Variants in LRRC7 observed in about 807,000 individuals in gnomAD.
The protein encoded by LRRC7 is leucine rich repeat containing 7.
A neutral mutation model predicts 175.7 loss-of-function variants in LRRC7; 23 were observed. The observed-to-expected ratio is 0.13, with a 90% CI of 0.09 to 0.19. The LOEUF (loss-of-function observed/expected upper bound fraction) is 0.19, where lower values mean the gene tolerates loss of function less well. Ranked by LOEUF, LRRC7 falls within the 10% of genes least tolerant of loss-of-function variation. The pLI is 1.00. For synonymous variants in LRRC7, 685 were observed against 680.9 expected, an observed-to-expected ratio of 1.01 and a Z score of -0.09; for missense variants, 1,354 against 1,904.7, an observed-to-expected ratio of 0.71 and a Z score of 5.38.
chr1:69,667,525 C>T (rs1337847993), intron 1 of LRRC7, among the ~76,000 whole-genome samples: 2 of 152,138 alleles, frequency 1.3e-5, no homozygotes, highest in Non-Finnish European at 2.9e-5. Context: ...GTTATATTCT[C>T]TTGCTGAATT....
At chr1:69,764,135 G>A (rs977699496) in intron 3 of LRRC7, among the ~76,000 whole-genome samples, 4 of 151,928 alleles carry the variant, frequency 2.6e-5, no homozygotes, top group African/African-American at 9.7e-5. Context: ...ATTTTCTGTA[G>A]TGAAAGGTAA....
chr1:69,757,896 T>C (rs942311578), intron 2 of LRRC7, among the ~76,000 whole-genome samples: 3 of 151,772 alleles, frequency 2.0e-5, no homozygotes, highest in African/African-American at 7.3e-5. Flanking sequence ...TGGAAATCTT[T>C]CAAGACCCTC....
rs1646404337 is a variant in LRRC7 at position 69,568,250 on chromosome 1, G to A, written c.-390G>A. ...GGATTTATTGTCTGTGGAGCCTTCT[G>A]GGGGCGGGGAGGGAGCTGCGCCTCC... On this transcript the variant is annotated 5_prime_UTR_variant, in exon 1 of 27. Coordinates refer to ENST00000651989, the MANE Select transcript of LRRC7 (RefSeq NM_001370785.2). 1.9e-5 allele frequency: 4 copies of A among 206,960 alleles called. No homozygotes were observed. In the South Asian group the frequency reaches 3.2e-4, roughly 17 times the overall value. 12.8% of individuals were successfully genotyped at this position (206,960 alleles called of 1,614,324 possible).
chr1:69,713,376 C>T (rs754657141), intron 2 of LRRC7, among the ~76,000 whole-genome samples: 4 of 151,936 alleles, frequency 2.6e-5, no homozygotes, highest in Non-Finnish European at 5.9e-5. Context: ...TCACCTGTAA[C>T]GTCATCTACT....
At chr1:69,995,164 G>A (rs1480628431) in intron 11 of LRRC7, among the ~76,000 whole-genome samples, 2 of 152,026 alleles carry the variant, frequency 1.3e-5, no homozygotes, top group Non-Finnish European at 2.9e-5. Context: ...GCCTTTTAAA[G>A]ATAAAATATA....
chr1:69,990,175 C>G (rs1044428188), intron 10 of LRRC7, among the ~76,000 whole-genome samples: 2 of 152,030 alleles, frequency 1.3e-5, no homozygotes, highest in Non-Finnish European at 2.9e-5. Context: ...GCAAGCTTTA[C>G]CAAATTTACC....
chr1:69,848,839 G>A (rs918990480), intron 7 of LRRC7, among the ~76,000 whole-genome samples: 1 of 151,834 alleles, frequency 6.6e-6, no homozygotes, highest in African/African-American at 2.4e-5. Flanking sequence ...ATTCACATAA[G>A]AAATTAACTT....
intron 7 of LRRC7, among the ~76,000 whole-genome samples, chr1:69,856,749 C>T (rs1221237145): frequency 6.6e-6 from 1 of 152,178 alleles, no homozygotes; most frequent in Non-Finnish European, 1.5e-5. Context: ...GGGAATCCTC[C>T]CTAACTCGTT....
chr1:69,868,816 C>A (rs890322789), intron 7 of LRRC7, among the ~76,000 whole-genome samples: 2 of 151,894 alleles, frequency 1.3e-5, no homozygotes, highest in Admixed American at 6.6e-5. Flanking sequence ...CTTCTGAAGG[C>A]GCTCTCCTTG....
At chr1:69,606,131 A>T (rs1040289436) in intron 1 of LRRC7, among the ~76,000 whole-genome samples, 5 of 152,158 alleles carry the variant, frequency 3.3e-5, no homozygotes, top group African/African-American at 1.2e-4. Context: ...TGCCCTTAGC[A>T]TTCACACATT....
intron 2 of LRRC7, among the ~76,000 whole-genome samples, chr1:69,699,966 A>G (rs1663131790): frequency 6.6e-6 from 1 of 152,212 alleles, no homozygotes; most frequent in Non-Finnish European, 1.5e-5. Flanking sequence ...AAACTGAAGT[A>G]GTAGAGGGTA....
chr1:69,726,694 G>A (rs1385493410), intron 2 of LRRC7, among the ~76,000 whole-genome samples: 1 of 151,782 alleles, frequency 6.6e-6, no homozygotes, highest in Non-Finnish European at 1.5e-5. Context: ...AAGGTAAGAA[G>A]AGAATAGAGA....
intron 3 of LRRC7, among the ~76,000 whole-genome samples, chr1:69,766,699 C>T (rs1484863149): frequency 1.3e-5 from 2 of 152,158 alleles, no homozygotes; most frequent in Non-Finnish European, 2.9e-5. Flanking sequence ...ATCCAGCAAA[C>T]TGTGTGAACT....
rs150355572 is a variant in LRRC7 at position 70,134,468 on chromosome 1, C to G, written c.*12581C>G. Among the ~76,000 whole-genome samples the G allele has an allele frequency of 6.6e-5, 10 of 152,326 alleles. No individual in the cohort carries two copies. The highest frequency in any genetic ancestry group is 2.4e-4 in the African/African-American group (10 of 41,580). ...CCTCCTGGTCTGAGCTTCTTCTTTG[C>G]TAATTCCATCAAAGCCCTACTTATA... On this transcript the variant is annotated 3_prime_UTR_variant, in exon 27 of 27. Coordinates refer to ENST00000651989, the MANE Select transcript of LRRC7 (RefSeq NM_001370785.2).
At position 70,059,474 on chromosome 1, in the gene LRRC7, A is replaced by AGTGTGTGTGT. The variant is rs10542055; in HGVS notation, c.4230+6363_4230+6372dup. 5.5e-3 allele frequency among the ~76,000 whole-genome samples: 727 copies of AGTGTGTGTGT among 132,270 alleles called. 13 individuals carry two copies. Among genetic ancestry groups the AGTGTGTGTGT allele is most frequent in the African/African-American group, 0.017 (579 of 34,594 alleles). 86.8% of individuals were successfully genotyped at this position (132,270 alleles called of 152,430 possible). A position where few individuals can be genotyped will look rare whatever the true frequency, so the allele number is the denominator to read the frequency against. The stretch of plus-strand genomic sequence containing the variant: ...TTATCAGAAGAAGAAACTAGAAGAA[A>AGTGTGTGTGT]GTGTGTGTGTGTGTGTGTGTGTGTG... On this transcript the variant is annotated intron_variant, in intron 23 of 26. Transcript: ENST00000651989.
At chr1:70,058,010 CA>C (rs1204733180) in intron 23 of LRRC7, among the ~76,000 whole-genome samples, 1 of 148,922 alleles carries the variant, frequency 6.7e-6, no homozygotes, top group East Asian at 2.0e-4. Context: ...CCCAGACTCA[CA>C]ATTTTTTTTT....
At chr1:69,845,126 C>A (rs1242272053) in intron 7 of LRRC7, among the ~76,000 whole-genome samples, 4 of 152,018 alleles carry the variant, frequency 2.6e-5, no homozygotes, top group Admixed American at 2.0e-4. Context: ...TGGTGTGTGC[C>A]TGTATTCCCA....
In LRRC7 at chr1:69,951,978, A is replaced by G. The variant is rs538907215; in HGVS notation, c.711+20408A>G. On this transcript the variant is annotated intron_variant, in intron 8 of 26. Transcript: ENST00000651989. ...ATAAATAAAAGATAGTTAGAAATAT[A>G]GATTTGAAACTTAGTAAATGTGACT... Among the ~76,000 whole-genome samples, 31 of 152,208 alleles carry G rather than the reference A, an allele frequency of 2.0e-4. 1 individual carries two copies. The South Asian group carries it at 5.6e-3, about 27-fold the overall frequency.
At chr1:69,861,412 G>A (rs1684342626) in intron 7 of LRRC7, among the ~76,000 whole-genome samples, 1 of 152,170 alleles carries the variant, frequency 6.6e-6, no homozygotes, top group African/African-American at 2.4e-5. Context: ...GAATGTTAGT[G>A]AAAAATATTG....
Sources: allele counts gnomAD v4.1 joint callset (sites outside exome capture counted in the v4.1 genomes callset), GRCh38; gene constraint gnomAD v4.1.1; transcripts MANE v1.5; gene names NCBI Gene and HGNC (gene_info 2026-07-23, HGNC 2026-07-21).